GPR137C: variants seen among roughly 807,000 people sequenced by gnomAD.
GPR137C encodes integral membrane protein GPR137C.
Under a neutral mutation model 43.4 loss-of-function variants are expected in GPR137C, and 27 were observed. That is an observed-to-expected ratio of 0.62 (90% CI 0.46 to 0.86). The LOEUF is 0.86. Among genes scored for constraint, GPR137C ranks in the 40% least tolerant of loss-of-function variants. The pLI is 0.00. For synonymous variants in GPR137C, 285 were observed against 226.9 expected, an observed-to-expected ratio of 1.26 and a Z score of -2.30; for missense variants, 522 against 534.6, an observed-to-expected ratio of 0.98 and a Z score of 0.23.
At chr14:52,561,470 C>G (rs1364148129) in intron 1 of GPR137C, among the ~76,000 whole-genome samples, 1 of 152,070 alleles carries the variant, frequency 6.6e-6, no homozygotes, top group African/African-American at 2.4e-5. Context: ...AAAAATCTAG[C>G]CATTATAGAT....
At chr14:52,634,859 GA>G in intron 6 of GPR137C, 78 bp from the exon 7 acceptor site, 2 of 1,259,450 alleles carry the variant, frequency 1.6e-6, no homozygotes, top group South Asian at 2.8e-5. Flanking sequence ...AAAATTCATT[GA>G]AAATGCTAAA....
chr14:52,567,787 G>A (rs528056023), intron 1 of GPR137C, among the ~76,000 whole-genome samples: 1 of 151,900 alleles, frequency 6.6e-6, no homozygotes, highest in East Asian at 1.9e-4. Flanking sequence ...AGCCTCCCGA[G>A]TAGCTGGGAT....
At chr14:52,591,463 A>G (rs928617990) in intron 1 of GPR137C, among the ~76,000 whole-genome samples, 11 of 152,058 alleles carry the variant, frequency 7.2e-5, no homozygotes, top group Non-Finnish European at 1.0e-4. Flanking sequence ...AAGCATTCCT[A>G]TTTCTCCACA....
intron 1 of GPR137C, among the ~76,000 whole-genome samples, chr14:52,573,335 A>G (rs1594784999): frequency 1.3e-5 from 2 of 152,234 alleles, no homozygotes; most frequent in African/African-American, 4.8e-5. Context: ...CTACAAGGCT[A>G]CAGTAACCAA....
chr14:52,571,105 C>G (rs1287422873), intron 1 of GPR137C, among the ~76,000 whole-genome samples: 1 of 152,140 alleles, frequency 6.6e-6, no homozygotes, highest in East Asian at 1.9e-4. Flanking sequence ...CATTCCTCAG[C>G]AAATGCAAAA....
chr14:52,564,120 C>G (rs113822630), intron 1 of GPR137C, among the ~76,000 whole-genome samples: 134 of 152,072 alleles, frequency 8.8e-4, no homozygotes, highest in African/African-American at 3.0e-3. Flanking sequence ...CTAAAAAATA[C>G]AAAAATTAGC....
intron 1 of GPR137C, among the ~76,000 whole-genome samples, chr14:52,563,149 A>T (rs2038312186): frequency 6.6e-6 from 1 of 152,026 alleles, no homozygotes; most frequent in South Asian, 2.1e-4. Flanking sequence ...CTTTCCCCTT[A>T]TCACTGGCTA....
intron 3 of GPR137C, among the ~76,000 whole-genome samples, chr14:52,606,717 G>A (rs2038987313): frequency 6.6e-6 from 1 of 152,060 alleles, no homozygotes; most frequent in Non-Finnish European, 1.5e-5. Context: ...AGCTAAGTTT[G>A]TTGATTTATT....
intron 1 of GPR137C, among the ~76,000 whole-genome samples, chr14:52,570,782 A>G (rs920002700): frequency 6.6e-6 from 1 of 152,242 alleles, no homozygotes; most frequent in Non-Finnish European, 1.5e-5. Flanking sequence ...CAATTAAACA[A>G]GAAGAGCTAA....
intron 3 of GPR137C, among the ~76,000 whole-genome samples, chr14:52,611,258 T>G (rs749950795): frequency 9.2e-5 from 14 of 152,004 alleles, no homozygotes; most frequent in Admixed American, 4.6e-4. Context: ...TCTCAATGAT[T>G]TGTAGAGTGG....
chr14:52,593,710 T>C (rs2139512113), intron 1 of GPR137C, among the ~76,000 whole-genome samples: 1 of 152,142 alleles, frequency 6.6e-6, no homozygotes, highest in South Asian at 2.1e-4. Context: ...ATCTATTTGA[T>C]TCTTCTCTCT....
At chr14:52,629,097 A>C (rs899606186) in intron 3 of GPR137C, among the ~76,000 whole-genome samples, 4 of 152,230 alleles carry the variant, frequency 2.6e-5, no homozygotes, top group South Asian at 2.1e-4. Context: ...CATGGCTAAA[A>C]AGATTGACAG....
At chr14:52,570,418 C>G (rs1379703881) in intron 1 of GPR137C, among the ~76,000 whole-genome samples, 1 of 152,130 alleles carries the variant, frequency 6.6e-6, no homozygotes, top group Non-Finnish European at 1.5e-5. Context: ...ACCATCGACC[C>G]TATGAAGAAA....
chr14:52,615,110 C>A (rs182109029), intron 3 of GPR137C, among the ~76,000 whole-genome samples: 1 of 152,260 alleles, frequency 6.6e-6, no homozygotes, highest in Non-Finnish European at 1.5e-5. Context: ...GTGTTTAATT[C>A]GTTTTGATTT....
intron 1 of GPR137C, among the ~76,000 whole-genome samples, chr14:52,563,671 C>T (rs1031220168): frequency 1.3e-5 from 2 of 152,128 alleles, no homozygotes; most frequent in African/African-American, 4.8e-5. Flanking sequence ...CAACTTGGTT[C>T]TCCTCTTTTG....
intron 1 of GPR137C, among the ~76,000 whole-genome samples, chr14:52,592,976 A>G (rs185383396): frequency 3.9e-4 from 60 of 152,312 alleles, no homozygotes; most frequent in Non-Finnish European, 6.2e-4. Context: ...TTTGTAATAA[A>G]TAGCTCTTAT....
At chr14:52,612,129 C>T in intron 3 of GPR137C, 1 of 983,418 alleles carries the variant, frequency 1.0e-6, no homozygotes, top group Non-Finnish European at 1.2e-6. Flanking sequence ...ATTATCCTTA[C>T]TAAAAATGTA....
At chr14:52,594,774 T>G (rs1450376650) in intron 1 of GPR137C, among the ~76,000 whole-genome samples, 1 of 152,240 alleles carries the variant, frequency 6.6e-6, no homozygotes, top group Non-Finnish European at 1.5e-5. Context: ...TTTATCCAGT[T>G]TGCCAGTCTG....
intron 3 of GPR137C, among the ~76,000 whole-genome samples, chr14:52,625,477 A>C (rs2039212297): frequency 7.3e-6 from 1 of 136,282 alleles, no homozygotes; most frequent in Non-Finnish European, 1.6e-5. Context: ...GTGAGACTCC[A>C]TCCCAAAAAA....
Sources: allele counts gnomAD v4.1 joint callset (sites outside exome capture counted in the v4.1 genomes callset), GRCh38; gene constraint gnomAD v4.1.1; transcripts MANE v1.5; gene names NCBI Gene and HGNC (gene_info 2026-07-23, HGNC 2026-07-21).